The following AGBL1 variants were observed in gnomAD, a reference collection of about 807,000 sequenced individuals.
The protein encoded by AGBL1 is cytosolic carboxypeptidase 4.
Under a neutral mutation model 118.9 loss-of-function variants are expected in AGBL1, and 130 were observed. That is an observed-to-expected ratio of 1.09 (90% CI 0.95 to 1.26). The LOEUF (loss-of-function observed/expected upper bound fraction) is 1.26. Ranked by LOEUF, AGBL1 falls within the 50% of genes most tolerant of loss-of-function variation. The pLI is 0.00. For synonymous variants in AGBL1, 555 were observed against 478.9 expected (o/e 1.16, Z -2.08); for missense variants, 1,584 against 1,298.1 (o/e 1.22, Z -3.38).
chr15:86,797,824 G>A (rs758101149), intron 22 of AGBL1, among the ~76,000 whole-genome samples: 1 of 152,190 alleles, frequency 6.6e-6, no homozygotes, highest in East Asian at 1.9e-4. Context: ...GCCCTTGGAG[G>A]TGGAGGCCTT....
chr15:87,002,681 A>G (rs2141763485), intron 24 of AGBL1, among the ~76,000 whole-genome samples: 1 of 152,260 alleles, frequency 6.6e-6, no homozygotes, highest in Non-Finnish European at 1.5e-5. Flanking sequence ...TTCTCCTTGA[A>G]GAGGTCCTTC....
chr15:86,202,278 G>A (rs893788275), intron 5 of AGBL1, among the ~76,000 whole-genome samples: 1 of 152,180 alleles, frequency 6.6e-6, no homozygotes. Context: ...GGGTGACAGA[G>A]TGAGACTCTG....
intron 5 of AGBL1, among the ~76,000 whole-genome samples, chr15:86,180,333 G>A (rs1167971145): frequency 6.6e-6 from 1 of 152,120 alleles, no homozygotes; most frequent in African/African-American, 2.4e-5. Flanking sequence ...TGGGGTATCA[G>A]TGTCAAGATA....
At chr15:86,953,333 G>T (rs567884324) in intron 23 of AGBL1, among the ~76,000 whole-genome samples, 3 of 149,972 alleles carry the variant, frequency 2.0e-5, no homozygotes, top group African/African-American at 7.3e-5. Flanking sequence ...TGTAGTCTCT[G>T]ATTTCTTTTA....
chr15:86,794,959 G>T (rs1177975753), intron 22 of AGBL1, among the ~76,000 whole-genome samples: 3 of 152,138 alleles, frequency 2.0e-5, no homozygotes, highest in Admixed American at 6.5e-5. Context: ...AGGCCACCCG[G>T]GGGGACCAGC....
chr15:86,626,711 T>C (rs1041406475), intron 21 of AGBL1, among the ~76,000 whole-genome samples: 2 of 152,166 alleles, frequency 1.3e-5, no homozygotes, highest in African/African-American at 2.4e-5. Flanking sequence ...GACTATTCTG[T>C]TGAAGTGTGT....
At chr15:86,405,856 T>C (rs1401247517) in intron 18 of AGBL1, among the ~76,000 whole-genome samples, 1 of 150,674 alleles carries the variant, frequency 6.6e-6, no homozygotes, top group Non-Finnish European at 1.5e-5. Context: ...GATTAAGAAC[T>C]GTAGAGGCAG....
intron 17 of AGBL1, among the ~76,000 whole-genome samples, chr15:86,395,021 T>C (rs569162280): frequency 3.3e-5 from 5 of 152,166 alleles, no homozygotes; most frequent in Non-Finnish European, 7.4e-5. Flanking sequence ...GTTTGTGCCA[T>C]GTATGTAATA....
rs780649175 is a variant in AGBL1, at chr15:86,911,872, A to G, written c.*4578A>G. Reference sequence around the variant, plus strand: ...GTTGCACTGTTTATATATCTCTTTTATACTATGCTTATTTTTAACTTGATA... The same window carrying G: ...GTTGCACTGTTTATATATCTCTTTTGTACTATGCTTATTTTTAACTTGATA... On this transcript the variant is annotated 3_prime_UTR_variant, in exon 23 of 23. Coordinates refer to ENST00000614907, the MANE Select transcript of AGBL1 (RefSeq NM_001386094.1). The G allele has an allele frequency of 6.6e-6, 1 of 151,968 alleles. No individual in the cohort carries two copies. The highest frequency in any genetic ancestry group is 2.4e-5 in the African/African-American group (1 of 41,342). 9.4% of individuals were successfully genotyped at this position (151,968 alleles called of 1,614,324 possible). A position where few individuals can be genotyped will look rare whatever the true frequency, so the allele number is the denominator to read the frequency against.
intron 21 of AGBL1, among the ~76,000 whole-genome samples, chr15:86,588,948 T>C (rs1489725648): frequency 1.3e-5 from 2 of 152,194 alleles, no homozygotes; most frequent in Non-Finnish European, 2.9e-5. Flanking sequence ...CTAAAGAATA[T>C]TAAACATTTC....
chr15:86,260,076 G>A (rs2078958736), intron 9 of AGBL1, among the ~76,000 whole-genome samples: 1 of 152,258 alleles, frequency 6.6e-6, no homozygotes, highest in Non-Finnish European at 1.5e-5. Context: ...GCAAGAAGAT[G>A]AGAAGTCAGT....
chr15:86,491,149 G>A (rs1312045398), intron 18 of AGBL1, among the ~76,000 whole-genome samples: 1 of 150,678 alleles, frequency 6.6e-6, no homozygotes, highest in African/African-American at 2.5e-5. Context: ...AGTTTTACAG[G>A]GATACAGAAG....
chr15:86,673,865 G>A (rs2142548494), intron 21 of AGBL1, among the ~76,000 whole-genome samples: 1 of 152,210 alleles, frequency 6.6e-6, no homozygotes, highest in Non-Finnish European at 1.5e-5. Context: ...TAAATTCAGA[G>A]GAAGGAAAAG....
At chr15:86,767,186 C>G (rs2078108265) in intron 22 of AGBL1, among the ~76,000 whole-genome samples, 1 of 151,902 alleles carries the variant, frequency 6.6e-6, no homozygotes, top group African/African-American at 2.4e-5. Flanking sequence ...GAATGCAATA[C>G]TGCTCAGAGG....
chr15:86,720,495 T>C lies in AGBL1; in HGVS notation c.3158+46059T>C, dbSNP rs144469469. Among the ~76,000 whole-genome samples, 9 of 152,336 alleles carry C rather than the reference T, an allele frequency of 5.9e-5. No homozygotes were observed. In the East Asian group the frequency reaches 7.7e-4, roughly 13 times the overall value. ...AGAACATGTAGGGCCACTCCACTTA[T>C]GGAAGGAATTTACTTCGCTGCCAAT... On this transcript the variant is annotated intron_variant, in intron 22 of 22. Coordinates refer to ENST00000614907, the MANE Select transcript of AGBL1 (RefSeq NM_001386094.1).
intron 3 of AGBL1, among the ~76,000 whole-genome samples, chr15:86,152,915 C>G (rs191312552): frequency 1.3e-5 from 2 of 152,322 alleles, no homozygotes; most frequent in African/African-American, 2.4e-5. Context: ...AGAAAATGCT[C>G]ATCATCACTG....
chr15:86,990,888 T>A (rs2081330946), intron 24 of AGBL1, among the ~76,000 whole-genome samples: 1 of 152,184 alleles, frequency 6.6e-6, no homozygotes, highest in Admixed American at 6.5e-5. Context: ...GGCCTCACTT[T>A]AGAATGGCAT....
intron 17 of AGBL1, among the ~76,000 whole-genome samples, chr15:86,374,380 A>G (rs2081008701): frequency 6.6e-6 from 1 of 152,230 alleles, no homozygotes; most frequent in Non-Finnish European, 1.5e-5. Context: ...TAATGCTTGC[A>G]TTTATCTAAA....
At chr15:86,126,566 C>G (rs185755026) in intron 1 of AGBL1, among the ~76,000 whole-genome samples, 74 of 152,298 alleles carry the variant, frequency 4.9e-4, no homozygotes, top group African/African-American at 1.7e-3. Context: ...AATGAGACCT[C>G]TCTAGGAGAA....
Sources: gnomAD v4.1 joint callset for allele counts (sites outside exome capture counted in the v4.1 genomes callset) on GRCh38, gnomAD v4.1.1 for gene constraint, MANE v1.5 for transcripts, NCBI Gene and HGNC (gene_info 2026-07-23, HGNC 2026-07-21) for gene names.